The following MSH6 variants were observed in gnomAD, a reference collection of about 807,000 sequenced individuals.
MSH6 encodes the protein mutS homolog 6.
In MSH6, 85 loss-of-function variants were observed where a neutral mutation model predicts 119.1. That is an observed-to-expected ratio of 0.71 (90% confidence interval 0.60 to 0.85). MSH6 has a LOEUF of 0.85. Among genes scored for constraint, MSH6 ranks in the 40% least tolerant of loss-of-function variants. The pLI is 0.00. For synonymous variants in MSH6, 830 were observed against 586.9 expected, an observed-to-expected ratio of 1.41 and a Z score of -5.99; for missense variants, 2,163 against 1,655.3, an observed-to-expected ratio of 1.31 and a Z score of -5.32.
intron 3 of MSH6, among the ~76,000 whole-genome samples, chr2:47,797,385 G>C (rs1669164474): frequency 6.6e-6 from 1 of 152,194 alleles, no homozygotes; most frequent in East Asian, 1.9e-4. Context: ...ATTATCAGAG[G>C]TCTAGAACTG....
At position 47,806,751 on chromosome 2, in the gene MSH6, CTTTT is replaced by C. The variant is rs59056100; in HGVS notation, c.4002-13_4002-10del. On this transcript the variant is annotated intron_variant, in intron 9 of 9. Transcript: ENST00000234420. ...GATGCACTATGAAAAAACAAAAAAA[CTTTT>C]TTTTTTTTTTTTTTAATTTTAAGGG... is the stretch of plus-strand genomic sequence containing the variant. The C allele has an allele frequency of 2.5e-4, 363 of 1,444,038 alleles. No individual in the cohort carries two copies. Among genetic ancestry groups the C allele is most frequent in the African/African-American group, 9.4e-4 (62 of 66,032 alleles). 89.5% of individuals were successfully genotyped at this position (1,444,038 alleles called of 1,614,324 possible).
chr2:47,802,996 C>T (rs1263227303), intron 4 of MSH6, among the ~76,000 whole-genome samples: 22 of 152,200 alleles, frequency 1.4e-4, no homozygotes, highest in Admixed American at 1.4e-3. Context: ...ATTGCAACCT[C>T]TGCCTCCCAG....
downstream of MSH6, chr2:47,808,454 T>C: frequency 3.2e-6 from 5 of 1,543,544 alleles, no homozygotes; most frequent in Non-Finnish European, 4.4e-6. Flanking sequence ...TAAATTACTT[T>C]TCTCAAACAT....
rs188252826 is a variant in MSH6, at chr2:47,798,939, C to T, written c.956C>T (p.Thr319Met). 1.1e-5 allele frequency: 18 copies of T among 1,614,152 alleles called. No individual in the cohort carries two copies. The highest frequency in any genetic ancestry group is 4.0e-5 in the African/African-American group (3 of 75,034). Reference sequence around the variant, plus strand: ...AAAAGGAAAAGCTCTAGGAAGGAAACGCCCTCAGCCACCAAACAAGCAACT... The same window carrying T: ...AAAAGGAAAAGCTCTAGGAAGGAAATGCCCTCAGCCACCAAACAAGCAACT... Reference protein sequence around the residue: ...SLKRKSSRKETPSATKQATSI... With the variant: ...SLKRKSSRKEMPSATKQATSI... The change falls in exon 4 of 10, where the codon ACG (threonine) becomes ATG (methionine). Residue 319 changes from threonine (T) to methionine (M), a missense_variant. By Grantham distance (81) the Thr-to-Met change is moderately conservative. Transcript: ENST00000234420.
chr2:47,798,977 G>A lies in MSH6; in HGVS notation c.994G>A (p.Glu332Lys), dbSNP rs2104312080. Reference sequence around the variant, plus strand: ...CAAACAAGCAACTAGCATTTCATCAGAAACCAAGAATACTTTGAGAGCTTT... The same window carrying A: ...CAAACAAGCAACTAGCATTTCATCAAAAACCAAGAATACTTTGAGAGCTTT... ...ATKQATSISS[E>K]TKNTLRAFSA... Residue 332 changes from glutamate to lysine, a missense_variant, in exon 4 of 10, where the codon GAA (glutamate) becomes AAA (lysine). Physicochemically the swap from Glu to Lys is moderately conservative, Grantham distance 56. Transcript: ENST00000234420. 6.2e-7 allele frequency: 1 copy of A among 1,614,210 alleles called. No individual in the cohort carries two copies.
In MSH6 at chr2:47,799,076, T is replaced by C. The variant is rs752628520; in HGVS notation, c.1093T>C (p.Trp365Arg). The C allele has an allele frequency of 1.2e-6, 2 of 1,614,164 alleles. No individual in the cohort carries two copies. Among genetic ancestry groups the C allele is most frequent in the Non-Finnish European group, 1.7e-6 (2 of 1,180,030 alleles). The change falls in exon 4 of 10, where the codon TGG becomes CGG. Residue 365 changes from tryptophan to arginine, a missense_variant. Physicochemically the swap from Trp to Arg is moderately radical, Grantham distance 101. Coordinates refer to ENST00000234420, the MANE Select transcript of MSH6 (RefSeq NM_000179.3). The part of the protein sequence containing the change: ...GGDDSSRPTV[W>R]YHETLEWLKE... ...TGATGACAGTAGTCGCCCTACTGTT[T>C]GGTATCATGAAACTTTAGAATGGCT...
In MSH6 at chr2:47,806,651, G is replaced by GGTAACTAACTAACTATAATGGAATT; in HGVS notation, c.4001+1_4001+25dup. The GGTAACTAACTAACTATAATGGAATT allele has an allele frequency of 6.2e-7, 1 of 1,606,938 alleles. No individual in the cohort carries two copies. Among genetic ancestry groups the GGTAACTAACTAACTATAATGGAATT allele is most frequent in the Non-Finnish European group, 8.5e-7 (1 of 1,177,432 alleles). On this transcript the variant is annotated stop_gained and frameshift_variant and splice_region_variant. Coordinates refer to ENST00000234420, the MANE Select transcript of MSH6 (RefSeq NM_000179.3). LOFTEE classifies it high-confidence loss of function. The stretch of plus-strand genomic sequence containing the variant: ...ATGAATCAGTCACTACGATTATTTC[G>GGTAACTAACTAACTATAATGGAATT]GTAACTAACTAACTATAATGGAATT...
intron 5 of MSH6, among the ~76,000 whole-genome samples, chr2:47,804,641 T>C (rs1669843366): frequency 6.6e-6 from 1 of 152,150 alleles, no homozygotes; most frequent in South Asian, 2.1e-4. Flanking sequence ...GGTGATTCTA[T>C]TCTGGCCAGC....
chr2:47,801,385 T>TTTTC (rs1669586755), intron 4 of MSH6: 2 of 495,548 alleles, frequency 4.0e-6, no homozygotes, highest in South Asian at 2.4e-5. Flanking sequence ...TTTTTTTTTT[T>TTTTC]TGAGACATGG....
chr2:47,787,149 C>G (rs1668396233), intron 1 of MSH6, among the ~76,000 whole-genome samples: 1 of 152,200 alleles, frequency 6.6e-6, no homozygotes, highest in Non-Finnish European at 1.5e-5. Flanking sequence ...ATTAGCCAGG[C>G]ATGGTGGCGT....
intron 2 of MSH6, among the ~76,000 whole-genome samples, chr2:47,795,006 GT>G (rs1364556910): frequency 2.6e-5 from 4 of 152,102 alleles, no homozygotes; most frequent in Non-Finnish European, 5.9e-5. Context: ...TATTGGTCAG[GT>G]TGGTCTTGAA....
downstream of MSH6, chr2:47,806,970 T>C: frequency 1.1e-6 from 1 of 874,808 alleles, no homozygotes; most frequent in Admixed American, 2.0e-5. Flanking sequence ...TTCCATTTTC[T>C]TTCTAGGAAA....
rs2104320280 is a variant in MSH6, at chr2:47,799,093, A to G, written c.1110A>G (p.Leu370=). The G allele has an allele frequency of 6.2e-7, 1 of 1,614,198 alleles. No homozygotes were observed. The highest frequency in any genetic ancestry group is 1.1e-5 in the South Asian group (1 of 91,086). The change falls in exon 4 of 10, where the codon TTA becomes TTG. Residue 370 remains leucine (L), a synonymous_variant. Coordinates refer to ENST00000234420, the MANE Select transcript of MSH6 (RefSeq NM_000179.3). ...SRPTVWYHET[L]EWLKEEKRRD... is the part of the protein sequence containing the mutation. ...CTACTGTTTGGTATCATGAAACTTT[A>G]GAATGGCTTAAGGAGGAAAAGAGAA...
In MSH6 at chr2:47,801,095, T is replaced by G. The variant is rs1060502947; in HGVS notation, c.3112T>G (p.Tyr1038Asp). 6.2e-7 allele frequency: 1 copy of G among 1,612,948 alleles called. No homozygotes were observed. The highest frequency in any genetic ancestry group is 1.7e-5 in the Admixed American group (1 of 59,756). ...SLKDCMRRLF[Y>D]NFDKNYKDWQ... ...GAAGGACTGCATGCGGCGACTGTTCTATAACTTTGATAAAAATTACAAGGA... is the reference window on the plus strand; with the variant it reads ...GAAGGACTGCATGCGGCGACTGTTCGATAACTTTGATAAAAATTACAAGGA... The change falls in exon 4 of 10, where the codon TAT (tyrosine) becomes GAT (aspartate). Residue 1038 changes from tyrosine (Y) to aspartate (D), a missense_variant. Tyr to Asp is a radical substitution (Grantham distance 160, BLOSUM62 -3). Transcript: ENST00000234420.
In MSH6 at chr2:47,803,565, T is replaced by C; in HGVS notation, c.3318T>C (p.Asp1106=). The part of the protein sequence containing the change: ...HPCITKTFFG[D]DFIPNDILIG... ...GCATTACGAAGACTTTTTTTGGAGA[T>C]GATTTTATTCCTAATGACATTCTAA... Residue 1106 remains aspartate, a synonymous_variant, in exon 5 of 10, where the codon GAT becomes GAC. Transcript: ENST00000234420. 2 of 1,614,104 alleles carry C rather than the reference T, an allele frequency of 1.2e-6. No individual in the cohort carries two copies. The highest frequency in any genetic ancestry group is 8.5e-7 in the Non-Finnish European group (1 of 1,180,008).
At chr2:47,791,903 A>G (rs187510121) in intron 2 of MSH6, among the ~76,000 whole-genome samples, 85 of 151,480 alleles carry the variant, frequency 5.6e-4, no homozygotes, top group African/African-American at 1.4e-3. Context: ...CTGGAGTGCA[A>G]TGGCGCAATC....
chr2:47,809,440 TACTCCAACC>T, downstream of MSH6: 1 of 688,782 alleles, frequency 1.5e-6, no homozygotes, highest in Non-Finnish European at 2.4e-6. Flanking sequence ...TTGTATAAGA[TACTCCAACC>T]ATTTAGAACC....
chr2:47,799,857 C>T lies in MSH6; in HGVS notation c.1874C>T (p.Ser625Phe), dbSNP rs773927995. Reference sequence around the variant, plus strand: ...CTTCAGGAAGGTCTGATACCCGGCTCCCAGTTTTGGGATGCATCCAAAACT... The same window carrying T: ...CTTCAGGAAGGTCTGATACCCGGCTTCCAGTTTTGGGATGCATCCAAAACT... ...CSLQEGLIPG[S>F]QFWDASKTLR... Residue 625 changes from serine to phenylalanine, a missense_variant, in exon 4 of 10, where the codon TCC becomes TTC. Transcript: ENST00000234420. The T allele has an allele frequency of 2.5e-6, 4 of 1,614,156 alleles. No homozygotes were observed. The highest frequency in any genetic ancestry group is 3.3e-5 in the Admixed American group (2 of 60,020).
chr2:47,807,115 T>C (rs1670265234), downstream of MSH6: 1 of 479,778 alleles, frequency 2.1e-6, no homozygotes, highest in Non-Finnish European at 3.7e-6. Context: ...TACACATAAA[T>C]GGGGGAGGAA....
Sources: gnomAD v4.1 joint callset for allele counts (sites outside exome capture counted in the v4.1 genomes callset) on GRCh38, gnomAD v4.1.1 for gene constraint, MANE v1.5 for transcripts, NCBI Gene and HGNC (gene_info 2026-07-23, HGNC 2026-07-21) for gene names.